Variants in ATE1 observed in about 807,000 individuals in gnomAD.
ATE1 encodes the protein arginyl-tRNA--protein transferase 1.
A neutral mutation model predicts 70.5 loss-of-function variants in ATE1; 36 were observed. That is an observed-to-expected ratio of 0.51 (90% CI 0.39 to 0.67). The LOEUF (loss-of-function observed/expected upper bound fraction) is 0.67, where lower values mean the gene tolerates loss of function less well. Ranked by LOEUF, ATE1 falls within the 30% of genes least tolerant of loss-of-function variation. ATE1 has a pLI of 0.00. For synonymous variants in ATE1, 232 were observed against 219.3 expected, an observed-to-expected ratio of 1.06 and a Z score of -0.51; for missense variants, 593 against 629.5, an observed-to-expected ratio of 0.94 and a Z score of 0.62.
At chr10:121,822,374 T>TAACCACTGTTAAGGTG (rs1301013597) in intron 10 of ATE1, among the ~76,000 whole-genome samples, 1 of 152,124 alleles carries the variant, frequency 6.6e-6, no homozygotes, top group East Asian at 1.9e-4. Flanking sequence ...GTGGTTACCT[T>TAACCACTGTTAAGGTG]GGGGGATGGG....
At chr10:121,802,379 G>A (rs1172220683) in intron 10 of ATE1, among the ~76,000 whole-genome samples, 1 of 151,532 alleles carries the variant, frequency 6.6e-6, no homozygotes, top group East Asian at 1.9e-4. Context: ...CACCATCTTG[G>A]CCCACTGCAA....
At chr10:121,851,843 G>C (rs1216215552) in intron 8 of ATE1, among the ~76,000 whole-genome samples, 2 of 152,158 alleles carry the variant, frequency 1.3e-5, no homozygotes, top group Non-Finnish European at 2.9e-5. Context: ...TACCTATACA[G>C]AAGAAAAACC....
At chr10:121,864,407 A>G (rs189402473) in intron 8 of ATE1, among the ~76,000 whole-genome samples, 156 of 152,358 alleles carry the variant, frequency 1.0e-3, no homozygotes, top group African/African-American at 3.5e-3. Flanking sequence ...CTCAGGCAGC[A>G]ATGCTCGCTC....
At chr10:121,790,132 G>C (rs1946376193) in intron 11 of ATE1, 37 bp downstream of exon 11, 1 of 1,612,106 alleles carries the variant, frequency 6.2e-7, no homozygotes, top group Non-Finnish European at 8.5e-7. Flanking sequence ...TAAAAACAAA[G>C]CCAATGATTT....
rs1312371440 is a variant in ATE1, at chr10:121,927,853, G to A, written c.97C>T (p.Arg33Cys). 1.9e-6 allele frequency: 3 copies of A among 1,576,284 alleles called. No individual in the cohort carries two copies. The highest frequency in any genetic ancestry group is 1.2e-5 in the South Asian group (1 of 86,312). ...CGYCKNESGS[R>C]SNGMWAHSMT... ...GGCCCGGCTCGCTCACCATTGGAGCGGCTGCCCGACTCGTTCTTGCAGTAG... is the reference window on the plus strand; with the variant it reads ...GGCCCGGCTCGCTCACCATTGGAGCAGCTGCCCGACTCGTTCTTGCAGTAG... Residue 33 changes from arginine (R) to cysteine (C), a missense_variant, in exon 1 of 12, where the codon CGC becomes TGC. Transcript: ENST00000224652.
At chr10:121,859,940 C>T (rs1167460500) in intron 8 of ATE1, among the ~76,000 whole-genome samples, 1 of 152,036 alleles carries the variant, frequency 6.6e-6, no homozygotes, top group Non-Finnish European at 1.5e-5. Flanking sequence ...GGCTCCATCT[C>T]ACAAAATATA....
chr10:121,848,024 T>A (rs1590478692), intron 8 of ATE1, among the ~76,000 whole-genome samples: 1 of 151,808 alleles, frequency 6.6e-6, no homozygotes, highest in East Asian at 1.9e-4. Flanking sequence ...TGAGCTGAGA[T>A]CACATCACTG....
At chr10:121,764,403 A>C (rs955268623) in intron 11 of ATE1, among the ~76,000 whole-genome samples, 9 of 151,716 alleles carry the variant, frequency 5.9e-5, no homozygotes, top group Non-Finnish European at 1.3e-4. Context: ...TTGGGACGCC[A>C]AGACAAGAGA....
chr10:121,913,544 C>T (rs534875705), intron 4 of ATE1, among the ~76,000 whole-genome samples: 2 of 152,112 alleles, frequency 1.3e-5, no homozygotes, highest in African/African-American at 4.8e-5. Flanking sequence ...TTGATAAACT[C>T]CAAGAAATCA....
At position 121,813,301 on chromosome 10, in the gene ATE1, T is replaced by C. The variant is rs142653984; in HGVS notation, c.1258-23012A>G. Among the ~76,000 whole-genome samples, 60 of 152,356 alleles carry C rather than the reference T, an allele frequency of 3.9e-4. No individual in the cohort carries two copies. In the East Asian group the frequency reaches 0.011, roughly 27 times the overall value. Reference sequence around the variant, plus strand: ...TTCTGATCTCATCAATTCCTGTTTCTACACAATATTTTGCCAGCTCTTTAT... The same window carrying C: ...TTCTGATCTCATCAATTCCTGTTTCCACACAATATTTTGCCAGCTCTTTAT... On this transcript the variant is annotated intron_variant, in intron 10 of 11. Transcript: ENST00000224652.
chr10:121,854,556 T>C (rs930393024), intron 8 of ATE1, among the ~76,000 whole-genome samples: 1 of 152,188 alleles, frequency 6.6e-6, no homozygotes, highest in African/African-American at 2.4e-5. Context: ...CATGCAGCCA[T>C]AAAGCTCTAA....
chr10:121,862,330 C>T (rs1471620459), intron 8 of ATE1, among the ~76,000 whole-genome samples: 1 of 151,882 alleles, frequency 6.6e-6, no homozygotes, highest in Non-Finnish European at 1.5e-5. Flanking sequence ...TACAGCTACT[C>T]CAAGCAATGA....
intron 7 of ATE1, chr10:121,898,754 C>A: frequency 6.7e-7 from 1 of 1,483,562 alleles, no homozygotes; most frequent in Admixed American, 1.9e-5. Context: ...CTGAAAGGGT[C>A]ATCAGCTCCA....
intron 8 of ATE1, among the ~76,000 whole-genome samples, chr10:121,851,708 T>C (rs746538338): frequency 3.9e-5 from 6 of 152,252 alleles, no homozygotes; most frequent in Non-Finnish European, 8.8e-5. Context: ...TAGCAAAATT[T>C]AGTAATTTAT....
intron 7 of ATE1, among the ~76,000 whole-genome samples, chr10:121,893,924 G>A (rs1237662165): frequency 6.6e-6 from 1 of 152,096 alleles, no homozygotes; most frequent in Non-Finnish European, 1.5e-5. Context: ...GATCACCTGA[G>A]GTCAGGAGTT....
intron 10 of ATE1, among the ~76,000 whole-genome samples, chr10:121,795,835 C>A (rs1184367780): frequency 6.6e-6 from 1 of 152,202 alleles, no homozygotes; most frequent in Non-Finnish European, 1.5e-5. Flanking sequence ...AGCTACCCTG[C>A]CTCTTCAGCT....
intron 4 of ATE1, among the ~76,000 whole-genome samples, chr10:121,913,317 T>C (rs1292953604): frequency 6.6e-6 from 1 of 152,164 alleles, no homozygotes; most frequent in Non-Finnish European, 1.5e-5. Flanking sequence ...ATCACACAAA[T>C]AAGAGGATTT....
intron 10 of ATE1, among the ~76,000 whole-genome samples, chr10:121,827,475 TA>T (rs1948072146): frequency 1.3e-5 from 2 of 152,118 alleles, no homozygotes; most frequent in African/African-American, 4.8e-5. Context: ...AAAACCACAC[TA>T]CCCCTCCCGC....
At chr10:121,926,928 TA>T (rs1952115587) in intron 1 of ATE1, 1 of 985,314 alleles carries the variant, frequency 1.0e-6, no homozygotes, top group Non-Finnish European at 1.2e-6. Flanking sequence ...AAGTAGCACT[TA>T]ATAAACACTT....
Sources: allele counts gnomAD v4.1 joint callset (sites outside exome capture counted in the v4.1 genomes callset), GRCh38; gene constraint gnomAD v4.1.1; transcripts MANE v1.5; gene names NCBI Gene and HGNC (gene_info 2026-07-23, HGNC 2026-07-21).